SULT1E1: variants seen among roughly 807,000 people sequenced by gnomAD.
The protein encoded by SULT1E1 is sulfotransferase 1E1.
Under a neutral mutation model 33.6 loss-of-function variants are expected in SULT1E1, and 36 were observed. The ratio of observed to expected loss-of-function variants is 1.07; its 90% CI spans 0.82 to 1.41. The LOEUF is 1.41. Among genes scored for constraint, SULT1E1 ranks in the 40% most tolerant of loss-of-function variants. The probability of loss-of-function intolerance (pLI) is 0.00; values close to 1 mark genes in which losing one functional copy is unlikely to be tolerated. For missense variants in SULT1E1, 371 were observed against 345.7 expected (o/e 1.07, Z -0.58); for synonymous variants, 121 against 111.7 (o/e 1.08, Z -0.53).
intron 2 of SULT1E1, 28 bp from the exon 3 acceptor site, chr4:69,855,454 C>T: frequency 6.3e-7 from 1 of 1,593,724 alleles, no homozygotes; most frequent in Non-Finnish European, 8.5e-7. Flanking sequence ...ACCTGAGTCT[C>T]CTGCTGACCC....
chr4:69,844,704 C>G (rs767473739), intron 6 of SULT1E1, among the ~76,000 whole-genome samples: 52 of 152,126 alleles, frequency 3.4e-4, no homozygotes, highest in Non-Finnish European at 1.5e-5. Context: ...GATATACAGG[C>G]AATTTTCATT....
At chr4:69,844,699 A>C (rs564469211) in intron 6 of SULT1E1, among the ~76,000 whole-genome samples, 1 of 152,160 alleles carries the variant, frequency 6.6e-6, no homozygotes, top group Non-Finnish European at 1.5e-5. Flanking sequence ...ATAAAGATAT[A>C]CAGGCAATTT....
the SULT1E1 span, among the ~76,000 whole-genome samples, chr4:69,826,953 C>A: frequency 6.6e-6 from 1 of 152,132 alleles, no homozygotes; most frequent in Non-Finnish European, 1.5e-5. Context: ...CTAATCTCCC[C>A]TTCCCAGAAG....
At position 69,854,315 on chromosome 4, in the gene SULT1E1, C is replaced by T. The variant is rs1444495719; in HGVS notation, c.272-1G>A. ...TTCATCTCATCTAATTGTTTTACTC[C>T]TGATTTTTAAAAAAGTAAAGGTTAA... On this transcript the variant is annotated splice_acceptor_variant, in intron 3 of 7. Coordinates refer to ENST00000226444, the MANE Select transcript of SULT1E1 (RefSeq NM_005420.3). LOFTEE classifies it high-confidence loss of function. 1.3e-6 allele frequency: 2 copies of T among 1,594,810 alleles called. No individual in the cohort carries two copies. Among genetic ancestry groups the T allele is most frequent in the Admixed American group, 3.4e-5 (2 of 58,778 alleles).
intron 4 of SULT1E1, among the ~76,000 whole-genome samples, chr4:69,850,197 A>T (rs1190750712): frequency 6.6e-6 from 1 of 152,072 alleles, no homozygotes; most frequent in African/African-American, 2.4e-5. Context: ...TTTGGCAGTA[A>T]GAAAAAACAG....
chr4:69,829,900 G>A, the SULT1E1 span, among the ~76,000 whole-genome samples: 2 of 152,114 alleles, frequency 1.3e-5, no homozygotes, highest in African/African-American at 2.4e-5. Flanking sequence ...GGCTCCTGGA[G>A]GCCCAAAGAG....
chr4:69,843,984 A>G (rs1247360267), intron 7 of SULT1E1, among the ~76,000 whole-genome samples, 177 bp downstream of exon 7: 1 of 152,242 alleles, frequency 6.6e-6, no homozygotes, highest in African/African-American at 2.4e-5. Flanking sequence ...ATAAATAATC[A>G]ACAGGTAATT....
the SULT1E1 span, among the ~76,000 whole-genome samples, chr4:69,827,352 C>A: frequency 6.6e-6 from 1 of 152,056 alleles, no homozygotes. Context: ...CACGCTGTCC[C>A]CAGTATGGAT....
chr4:69,822,003 C>T, the SULT1E1 span, among the ~76,000 whole-genome samples: 1 of 152,160 alleles, frequency 6.6e-6, no homozygotes, highest in Non-Finnish European at 1.5e-5. Flanking sequence ...TGTGAACTAT[C>T]CAGATTGAAT....
intron 4 of SULT1E1, among the ~76,000 whole-genome samples, chr4:69,853,819 G>A (rs1721175593): frequency 6.6e-6 from 1 of 152,080 alleles, no homozygotes; most frequent in Non-Finnish European, 1.5e-5. Context: ...TTTTGCAAAG[G>A]GAGGATATTC....
chr4:69,830,124 T>A, the SULT1E1 span, among the ~76,000 whole-genome samples: 1 of 152,210 alleles, frequency 6.6e-6, no homozygotes, highest in Non-Finnish European at 1.5e-5. Context: ...CTCAGCCAAC[T>A]CTCAAATCCC....
Position 69,841,881 on chromosome 4 carries a change from A to G in SULT1E1, c.*113T>C. ...AAGTTAAACAAAAATTTAAAAAGAA[A>G]ATGTCAACATAATCCATGATTATGT... is the stretch of plus-strand genomic sequence containing the variant. On this transcript the variant is annotated 3_prime_UTR_variant, in exon 8 of 8. Coordinates refer to ENST00000226444, the MANE Select transcript of SULT1E1 (RefSeq NM_005420.3). 1 of 622,524 alleles carries G rather than the reference A, an allele frequency of 1.6e-6. No homozygotes were observed. The highest frequency in any genetic ancestry group is 2.6e-6 in the Non-Finnish European group (1 of 380,996). 38.6% of individuals were successfully genotyped at this position (622,524 alleles called of 1,614,324 possible).
chr4:69,846,076 G>A (rs1720970484), intron 6 of SULT1E1, among the ~76,000 whole-genome samples: 1 of 150,166 alleles, frequency 6.7e-6, no homozygotes, highest in Non-Finnish European at 1.5e-5. Flanking sequence ...GATAGTAAAG[G>A]ATAAGAAAAT....
the SULT1E1 span, among the ~76,000 whole-genome samples, chr4:69,832,824 A>G: frequency 4.6e-5 from 7 of 152,136 alleles, no homozygotes; most frequent in Admixed American, 4.6e-4. Flanking sequence ...CTTACAGAGC[A>G]AGGAGCAAGA....
chr4:69,846,305 CAA>C lies in SULT1E1; in HGVS notation c.591+1391_591+1392del, dbSNP rs34408656. On this transcript the variant is annotated intron_variant, in intron 6 of 7. Coordinates refer to ENST00000226444, the MANE Select transcript of SULT1E1 (RefSeq NM_005420.3). Reference sequence around the variant, plus strand: ...TCCCATCCCACATAAACAAAACAATCAAAAAAAAAAAAAAAAAGAAAAGAAAA... The same window carrying C: ...TCCCATCCCACATAAACAAAACAATCAAAAAAAAAAAAAAAGAAAAGAAAA... Among the ~76,000 whole-genome samples the C allele has an allele frequency of 4.8e-3, 518 of 107,002 alleles. 3 individuals are homozygous for C. The highest frequency in any genetic ancestry group is 0.014 in the African/African-American group (392 of 28,300). The allele number at this position is 107,002 out of a possible 152,430, so 70.2% of individuals were successfully genotyped here.
At chr4:69,821,767 G>A in the SULT1E1 span, among the ~76,000 whole-genome samples, 1 of 152,138 alleles carries the variant, frequency 6.6e-6, no homozygotes, top group African/African-American at 2.4e-5. Flanking sequence ...TTAAAGCTAT[G>A]ATAGTAAATA....
Position 69,846,318 on chromosome 4 carries a change from A to G in SULT1E1, c.591+1380T>C, listed in dbSNP as rs182034284. ...AAACAAAACAATCAAAAAAAAAAAAAAAAAGAAAAGAAAAGGAAAAAAACT... is the reference window on the plus strand; with the variant it reads ...AAACAAAACAATCAAAAAAAAAAAAGAAAAGAAAAGAAAAGGAAAAAAACT... On this transcript the variant is annotated intron_variant, in intron 6 of 7. Transcript: ENST00000226444. 1.9e-3 allele frequency among the ~76,000 whole-genome samples: 279 copies of G among 149,304 alleles called. 1 individual carries two copies. The highest frequency in any genetic ancestry group is 2.8e-3 in the Non-Finnish European group (187 of 67,002).
intron 3 of SULT1E1, 23 bp from the exon 4 acceptor site, chr4:69,854,337 T>C: frequency 3.3e-6 from 5 of 1,497,406 alleles, no homozygotes; most frequent in Non-Finnish European, 4.6e-6. Context: ...AAAGTAAAGG[T>C]TAAGCAACTT....
At chr4:69,836,861 A>C (rs1354362), downstream of SULT1E1, among the ~76,000 whole-genome samples, 138,036 of 152,148 alleles carry the variant, frequency 0.91, 63,068 homozygotes, top group Non-Finnish European at 0.95. Context: ...ATTGAAATAT[A>C]GACAATATCT....
Sources: allele counts gnomAD v4.1 joint callset (sites outside exome capture counted in the v4.1 genomes callset), GRCh38; gene constraint gnomAD v4.1.1; transcripts MANE v1.5; gene names NCBI Gene and HGNC (gene_info 2026-07-23, HGNC 2026-07-21).